Variants in LINGO1 observed in about 807,000 individuals in gnomAD.
LINGO1 encodes leucine rich repeat and Ig domain containing 1.
A neutral mutation model predicts 37.3 loss-of-function variants in LINGO1; 11 were observed. The observed-to-expected ratio is 0.29, with a 90% CI of 0.19 to 0.49. The LOEUF (loss-of-function observed/expected upper bound fraction) is 0.49. LINGO1 is among the 20% of genes least tolerant of loss of function. LINGO1 has a pLI of 0.99. For missense variants in LINGO1, 585 were observed against 878.2 expected, an observed-to-expected ratio of 0.67 and a Z score of 4.22; for synonymous variants, 387 against 403.0, an observed-to-expected ratio of 0.96 and a Z score of 0.48.
intron 1 of LINGO1, among the ~76,000 whole-genome samples, chr15:77,776,304 C>T (rs147664641): frequency 0.018 from 2,800 of 152,278 alleles, 31 homozygotes; most frequent in Middle Eastern, 0.031. Flanking sequence ...ATCACTCTGA[C>T]TGCCCTGGCC....
intron 1 of LINGO1, among the ~76,000 whole-genome samples, chr15:77,818,628 C>T (rs1003065061): frequency 6.6e-6 from 1 of 152,180 alleles, no homozygotes; most frequent in African/African-American, 2.4e-5. Flanking sequence ...GGGACACACA[C>T]ATACACGCCC....
intron 1 of LINGO1, among the ~76,000 whole-genome samples, chr15:77,621,459 C>T (rs1471347754): frequency 1.3e-5 from 2 of 152,178 alleles, no homozygotes; most frequent in East Asian, 3.9e-4. Flanking sequence ...GAGAATTTGC[C>T]CTGGGCCTGG....
At chr15:77,760,071 T>C (rs971876076) in intron 1 of LINGO1, among the ~76,000 whole-genome samples, 1 of 152,236 alleles carries the variant, frequency 6.6e-6, no homozygotes, top group Admixed American at 6.5e-5. Context: ...GCGGCTTTTT[T>C]TTCCTCCTTA....
chr15:77,620,367 T>A (rs1394036387), intron 1 of LINGO1, among the ~76,000 whole-genome samples: 1 of 152,138 alleles, frequency 6.6e-6, no homozygotes, highest in Admixed American at 6.5e-5. Flanking sequence ...GCTCAGGCAG[T>A]GGGGGACACT....
At chr15:77,643,278 C>G (rs534298993) in intron 3 of LINGO1, among the ~76,000 whole-genome samples, 1 of 152,296 alleles carries the variant, frequency 6.6e-6, no homozygotes, top group South Asian at 2.1e-4. Flanking sequence ...GTGGGCTGGA[C>G]TAGGCAGGAG....
chr15:77,664,177 G>GCGCGCA (rs1555527627), intron 3 of LINGO1, among the ~76,000 whole-genome samples: 2 of 151,712 alleles, frequency 1.3e-5, no homozygotes, highest in African/African-American at 4.8e-5. Context: ...GTGTGCGCGC[G>GCGCGCA]CGCATGCGTT....
chr15:77,636,173 T>C (rs2074392406), upstream of LINGO1, among the ~76,000 whole-genome samples: 2 of 152,288 alleles, frequency 1.3e-5, no homozygotes, highest in South Asian at 4.1e-4. Flanking sequence ...GTGTATCTAA[T>C]GTTAGTCCTG....
At chr15:77,792,164 C>T (rs909365213) in intron 2 of LINGO1, among the ~76,000 whole-genome samples, 7 of 152,216 alleles carry the variant, frequency 4.6e-5, no homozygotes, top group South Asian at 2.1e-4. Context: ...TCCAAACCCA[C>T]GCTCCACCCC....
chr15:77,804,234 C>A (rs888765404), intron 1 of LINGO1, among the ~76,000 whole-genome samples: 1 of 152,140 alleles, frequency 6.6e-6, no homozygotes, highest in Admixed American at 6.5e-5. Context: ...CTCCAGGTGC[C>A]CCCAGCCCAA....
intron 2 of LINGO1, among the ~76,000 whole-genome samples, chr15:77,683,020 G>A (rs2075443913): frequency 1.3e-5 from 2 of 152,130 alleles, no homozygotes; most frequent in Admixed American, 6.5e-5. Context: ...TGCACTAAAA[G>A]CTCTTTTATA....
intron 2 of LINGO1, among the ~76,000 whole-genome samples, chr15:77,733,532 C>A (rs1200500990): frequency 6.6e-6 from 1 of 152,174 alleles, no homozygotes; most frequent in Non-Finnish European, 1.5e-5. Flanking sequence ...CACTGGGAGA[C>A]AAAGTGTAGG....
chr15:77,622,403 T>C (rs1267954357), intron 1 of LINGO1, among the ~76,000 whole-genome samples: 1 of 152,104 alleles, frequency 6.6e-6, no homozygotes, highest in Non-Finnish European at 1.5e-5. Flanking sequence ...CCACCACCTG[T>C]GCCTATCAGC....
At chr15:77,702,120 C>T (rs920827367) in intron 2 of LINGO1, among the ~76,000 whole-genome samples, 1 of 152,134 alleles carries the variant, frequency 6.6e-6, no homozygotes, top group Non-Finnish European at 1.5e-5. Flanking sequence ...GTTTAGTTCC[C>T]CCAAGGCTTT....
intron 1 of LINGO1, among the ~76,000 whole-genome samples, chr15:77,807,644 A>C (rs1346342156): frequency 7.9e-5 from 12 of 152,188 alleles, no homozygotes; most frequent in Admixed American, 7.9e-4. Flanking sequence ...CAGAGAACTC[A>C]AAACGAAAGG....
At chr15:77,640,827 C>CTCAT (rs55914213) in intron 3 of LINGO1, among the ~76,000 whole-genome samples, 8,844 of 150,566 alleles carry the variant, frequency 0.059, 390 homozygotes, top group African/African-American at 0.13. Context: ...CATTCATCTC[C>CTCAT]TCATTCATTC....
At chr15:77,768,901 C>A (rs2076556500) in intron 1 of LINGO1, among the ~76,000 whole-genome samples, 1 of 152,214 alleles carries the variant, frequency 6.6e-6, no homozygotes, top group Non-Finnish European at 1.5e-5. Flanking sequence ...GGTGTGGCCA[C>A]AGGTCCCCCT....
intron 3 of LINGO1, among the ~76,000 whole-genome samples, chr15:77,640,048 A>C (rs1374249863): frequency 6.6e-6 from 1 of 152,210 alleles, no homozygotes; most frequent in African/African-American, 2.4e-5. Context: ...GGCACACAGA[A>C]TCCAGGGAGA....
intron 1 of LINGO1, among the ~76,000 whole-genome samples, chr15:77,769,372 C>A (rs1391447202): frequency 6.6e-6 from 1 of 152,188 alleles, no homozygotes; most frequent in Non-Finnish European, 1.5e-5. Flanking sequence ...AGCTTCAAGT[C>A]CTGCCAAGGT....
chr15:77,794,952 A>T (rs1000761119), intron 2 of LINGO1, among the ~76,000 whole-genome samples: 1 of 152,094 alleles, frequency 6.6e-6, no homozygotes, highest in Admixed American at 6.5e-5. Flanking sequence ...CAGTGTGAGG[A>T]CAGGGTTGGC....
Sources: gnomAD v4.1 joint callset for allele counts (sites outside exome capture counted in the v4.1 genomes callset) on GRCh38, gnomAD v4.1.1 for gene constraint, MANE v1.5 for transcripts, NCBI Gene and HGNC (gene_info 2026-07-23, HGNC 2026-07-21) for gene names.